Variants in TPGS2 observed in about 807,000 individuals in gnomAD.
TPGS2 encodes tubulin polyglutamylase complex subunit 2.
Under a neutral mutation model 31.1 loss-of-function variants are expected in TPGS2, and 26 were observed. The ratio of observed to expected loss-of-function variants is 0.84; its 90% CI spans 0.61 to 1.16. TPGS2 has a LOEUF of 1.16. Among genes scored for constraint, TPGS2 ranks in the 50% most tolerant of loss-of-function variants. TPGS2 has a pLI of 0.00. For synonymous variants in TPGS2, 130 were observed against 136.6 expected (o/e 0.95, Z 0.34); for missense variants, 351 against 363.8 (o/e 0.96, Z 0.29).
At position 36,818,927 on chromosome 18, in the gene TPGS2, A is replaced by G; in HGVS notation, c.132T>C (p.Pro44=). 1 of 1,613,878 alleles carries G rather than the reference A, an allele frequency of 6.2e-7. No homozygotes were observed. Among genetic ancestry groups the G allele is most frequent in the Non-Finnish European group, 8.5e-7 (1 of 1,179,814 alleles). Residue 44 remains proline (P), a synonymous_variant, in exon 2 of 7, where the codon CCT becomes CCC. Transcript: ENST00000334295. ...VTEVTIIEKP[P]AERHMISSWE... ...AGGAAGAAATCATATGACGTTCAGC[A>G]GGAGGCTTTTCTATGATGGTCACCT...
chr18:36,826,779 CT>C (rs1385025482), intron 1 of TPGS2, among the ~76,000 whole-genome samples: 6 of 152,108 alleles, frequency 3.9e-5, no homozygotes, highest in Non-Finnish European at 8.8e-5. Context: ...TTGGGGAACC[CT>C]AATACAATTT....
At chr18:36,813,647 C>T (rs2045527434) in intron 2 of TPGS2, among the ~76,000 whole-genome samples, 1 of 152,216 alleles carries the variant, frequency 6.6e-6, no homozygotes, top group African/African-American at 2.4e-5. Context: ...ATCTGGTCCT[C>T]TAACGAAAAC....
At position 36,828,751 on chromosome 18, in the gene TPGS2, G is replaced by A. The variant is rs949189017; in HGVS notation, c.17C>T (p.Ser6Leu). 1.2e-6 allele frequency: 2 copies of A among 1,613,884 alleles called. No homozygotes were observed. The highest frequency in any genetic ancestry group is 1.3e-5 in the African/African-American group (1 of 75,064). MEEEA[S>L]SPGLGCSKPH... is the part of the protein sequence containing the mutation. ...CTTGCTGCAGCCCAGCCCCGGGGAC[G>A]ATGCCTCCTCCTCCATGGCTCGCGA... The change falls in exon 1 of 7, where the codon TCG becomes TTG. Residue 6 changes from serine (S) to leucine (L), a missense_variant. Coordinates refer to ENST00000334295, the MANE Select transcript of TPGS2 (RefSeq NM_015476.4).
At chr18:36,780,032 A>G, downstream of TPGS2, 2 of 749,762 alleles carry the variant, frequency 2.7e-6, no homozygotes, top group South Asian at 6.9e-5. Context: ...TGTTTCAAAT[A>G]CTAAATAAAT....
intron 4 of TPGS2, among the ~76,000 whole-genome samples, chr18:36,802,483 C>T (rs376371445): frequency 4.6e-5 from 7 of 152,008 alleles, no homozygotes; most frequent in Admixed American, 6.6e-5. Flanking sequence ...TGTCAATATA[C>T]GAATTTTTTT....
Position 36,818,979 on chromosome 18 carries a change from A to C in TPGS2, c.86-6T>G, listed in dbSNP as rs1392779884. ...AGTCACACCTGGGGAAGATTCTGGA[A>C]GAGAAAAAAGAGTCTGTAGAGTTGC... On this transcript the variant is annotated splice_region_variant and splice_polypyrimidine_tract_variant and intron_variant, in intron 1 of 6. Coordinates refer to ENST00000334295, the MANE Select transcript of TPGS2 (RefSeq NM_015476.4). 1.2e-6 allele frequency: 2 copies of C among 1,610,948 alleles called. No individual in the cohort carries two copies. Among genetic ancestry groups the C allele is most frequent in the African/African-American group, 2.7e-5 (2 of 74,944 alleles).
In TPGS2 at chr18:36,828,668, G is replaced by A. The variant is rs2046318399; in HGVS notation, c.85+15C>T. The A allele has an allele frequency of 6.2e-7, 1 of 1,613,626 alleles. No homozygotes were observed. The highest frequency in any genetic ancestry group is 1.3e-5 in the African/African-American group (1 of 74,896). Reference sequence around the variant, plus strand: ...CTCCTCCACACCCTCTCGGCACCGTGCCCCCTTTCCTCACCTAGGATGCGC... The same window carrying A: ...CTCCTCCACACCCTCTCGGCACCGTACCCCCTTTCCTCACCTAGGATGCGC... On this transcript the variant is annotated intron_variant, in intron 1 of 6. Transcript: ENST00000334295.
intron 2 of TPGS2, among the ~76,000 whole-genome samples, chr18:36,815,708 G>C (rs2045622658): frequency 6.6e-6 from 1 of 151,960 alleles, no homozygotes; most frequent in South Asian, 2.1e-4. Flanking sequence ...AAAACAAAAG[G>C]TACACACCCC....
At chr18:36,800,366 C>A in intron 4 of TPGS2, 55 bp from the exon 5 acceptor site, 1 of 1,467,952 alleles carries the variant, frequency 6.8e-7, no homozygotes, top group South Asian at 1.1e-5. Flanking sequence ...CAAACACATA[C>A]CTATATATCC....
chr18:36,797,518 T>G (rs1156474934), intron 6 of TPGS2, among the ~76,000 whole-genome samples: 1 of 85,680 alleles, frequency 1.2e-5, no homozygotes, highest in Non-Finnish European at 2.2e-5. Context: ...TTTCCTACTG[T>G]TTTTTTTTTT....
intron 6 of TPGS2, chr18:36,787,150 G>A: frequency 8.1e-7 from 1 of 1,231,138 alleles, no homozygotes; most frequent in Non-Finnish European, 1.0e-6. Flanking sequence ...GGCATGCATA[G>A]CATGTTACAG....
In TPGS2 at chr18:36,795,064, A is replaced by G. The variant is rs184470716; in HGVS notation, c.*1741T>C. ...TACAAATATGGGGAAGCAGCCAGTT[A>G]GAGCTTGCCCTGATCCTTGAAGGCT... On this transcript the variant is annotated 3_prime_UTR_variant, in exon 7 of 7. Transcript: ENST00000334295. 42 of 985,468 alleles carry G rather than the reference A, an allele frequency of 4.3e-5. No individual in the cohort carries two copies. Among genetic ancestry groups the G allele is most frequent in the Admixed American group, 1.2e-4 (2 of 16,288 alleles). 61.0% of individuals were successfully genotyped at this position (985,468 alleles called of 1,614,324 possible).
At chr18:36,783,838 G>T (rs190106739) in intron 6 of TPGS2, among the ~76,000 whole-genome samples, 164 of 152,228 alleles carry the variant, frequency 1.1e-3, no homozygotes, top group African/African-American at 3.9e-3. Flanking sequence ...TCTAAGGAAG[G>T]GTCTTTGCAA....
At chr18:36,810,886 G>A (rs1410253986) in intron 2 of TPGS2, among the ~76,000 whole-genome samples, 1 of 152,146 alleles carries the variant, frequency 6.6e-6, no homozygotes, top group Non-Finnish European at 1.5e-5. Flanking sequence ...GGAAGGGCTA[G>A]GGGCTGTCCA....
intron 4 of TPGS2, among the ~76,000 whole-genome samples, chr18:36,803,860 T>G (rs1279716604): frequency 1.3e-5 from 2 of 152,224 alleles, no homozygotes; most frequent in Non-Finnish European, 2.9e-5. Context: ...TTTTTATCTG[T>G]GTCCTCTAGC....
intron 1 of TPGS2, among the ~76,000 whole-genome samples, chr18:36,825,012 T>C (rs571947951): frequency 4.3e-4 from 66 of 152,328 alleles, no homozygotes; most frequent in African/African-American, 1.5e-3. Context: ...TAAGATACTT[T>C]TGGAGTTAAT....
chr18:36,795,146 T>G lies in TPGS2; in HGVS notation c.*1659A>C, dbSNP rs1198250182. 9.1e-6 allele frequency: 9 copies of G among 985,280 alleles called. No homozygotes were observed. In the African/African-American group the frequency reaches 1.4e-4, roughly 15 times the overall value. The allele number at this position is 985,280 out of a possible 1,614,324, so 61.0% of individuals were successfully genotyped here. ...TGGAAAGTGGTAGGTGGAGGAGATA[T>G]CGAAGGCGCTTTCTCATGAATATCT... On this transcript the variant is annotated 3_prime_UTR_variant, in exon 7 of 7. Coordinates refer to ENST00000334295, the MANE Select transcript of TPGS2 (RefSeq NM_015476.4).
At chr18:36,801,611 G>A (rs1405264832) in intron 4 of TPGS2, among the ~76,000 whole-genome samples, 1 of 152,222 alleles carries the variant, frequency 6.6e-6, no homozygotes, top group African/African-American at 2.4e-5. Flanking sequence ...TGGGATTACA[G>A]GTGTGAATGA....
intron 6 of TPGS2, among the ~76,000 whole-genome samples, chr18:36,786,306 T>C (rs776986782): frequency 6.6e-6 from 1 of 152,210 alleles, no homozygotes; most frequent in Non-Finnish European, 1.5e-5. Flanking sequence ...CTGTAACCTC[T>C]GCCTCCCAGG....
Sources: gnomAD v4.1 joint callset for allele counts (sites outside exome capture counted in the v4.1 genomes callset) on GRCh38, gnomAD v4.1.1 for gene constraint, MANE v1.5 for transcripts, NCBI Gene and HGNC (gene_info 2026-07-23, HGNC 2026-07-21) for gene names.